Variants in HOATZ observed in about 807,000 individuals in gnomAD.
HOATZ encodes HOATZ cilia and flagella associated protein.
HOATZ carries 26 observed loss-of-function variants against 24.9 expected under a neutral mutation model. The observed-to-expected ratio is 1.04, with a 90% CI of 0.76 to 1.45. The LOEUF is 1.45. HOATZ is among the 40% of genes most tolerant of loss of function. The pLI is 0.00. For missense variants in HOATZ, 226 were observed against 201.5 expected, an observed-to-expected ratio of 1.12 and a Z score of -0.74; for synonymous variants, 83 against 76.6, an observed-to-expected ratio of 1.08 and a Z score of -0.43.
chr11:111,520,849 G>A (rs1359973640), intron 3 of HOATZ, among the ~76,000 whole-genome samples: 6 of 152,046 alleles, frequency 3.9e-5, no homozygotes, highest in Admixed American at 2.0e-4. Context: ...GAGAGAGATC[G>A]CATTCACATA....
chr11:111,515,699 C>A (rs537895044), intron 2 of HOATZ, 147 bp downstream of exon 2: 2 of 692,828 alleles, frequency 2.9e-6, no homozygotes, highest in African/African-American at 1.8e-5. Context: ...CCCTGTTTAT[C>A]CAGAGGACAA....
At chr11:111,519,025 T>C (rs1867238799) in intron 3 of HOATZ, 1 of 456,110 alleles carries the variant, frequency 2.2e-6, no homozygotes, top group South Asian at 1.6e-5. Flanking sequence ...GGCACCATAG[T>C]GTAGTAGATT....
At chr11:111,528,986 G>A (rs188951097) in intron 3 of HOATZ, among the ~76,000 whole-genome samples, 66 of 152,284 alleles carry the variant, frequency 4.3e-4, no homozygotes, top group Middle Eastern at 3.4e-3. Context: ...TCATTTTTAC[G>A]TGGTTTAGTT....
intron 3 of HOATZ, among the ~76,000 whole-genome samples, 192 bp downstream of exon 3, chr11:111,516,302 A>G (rs1000570043): frequency 2.0e-5 from 3 of 152,196 alleles, no homozygotes; most frequent in Non-Finnish European, 4.4e-5. Flanking sequence ...CAATCTCAGC[A>G]AAAGTCCAAG....
At chr11:111,528,011 TC>T (rs1867357358) in intron 3 of HOATZ, among the ~76,000 whole-genome samples, 1 of 152,166 alleles carries the variant, frequency 6.6e-6, no homozygotes, top group Admixed American at 6.5e-5. Flanking sequence ...TAACTCTCAA[TC>T]ACTGGGATAG....
At chr11:111,519,462 T>C (rs1053966804) in intron 3 of HOATZ, among the ~76,000 whole-genome samples, 1 of 152,210 alleles carries the variant, frequency 6.6e-6, no homozygotes, top group African/African-American at 2.4e-5. Flanking sequence ...AAATCTAATC[T>C]GTTAGCACAT....
intron 3 of HOATZ, among the ~76,000 whole-genome samples, chr11:111,520,042 C>T (rs958815554): frequency 1.3e-5 from 2 of 152,132 alleles, no homozygotes; most frequent in Non-Finnish European, 2.9e-5. Context: ...TGATGGATAT[C>T]CATGGCAGGA....
At chr11:111,520,418 CA>C (rs1867256331) in intron 3 of HOATZ, among the ~76,000 whole-genome samples, 1 of 152,106 alleles carries the variant, frequency 6.6e-6, no homozygotes, top group Non-Finnish European at 1.5e-5. Context: ...AAGGTTTTTA[CA>C]GGGAAAATAT....
At chr11:111,529,829 GT>G (rs1242492657) in intron 3 of HOATZ, among the ~76,000 whole-genome samples, 1 of 152,128 alleles carries the variant, frequency 6.6e-6, no homozygotes, top group Non-Finnish European at 1.5e-5. Flanking sequence ...TGAAAAGAAA[GT>G]TGATAACACA....
Position 111,514,896 on chromosome 11 carries a change from A to G in HOATZ, c.112A>G (p.Lys38Glu). ...GSSEQDANLA[K>E]QFWISASMYP... ...CTCGGAACAAGATGCCAACTTGGCTAAGCAGTTCTGGATCTCGGCGTCGAT... is the reference window on the plus strand; with the variant it reads ...CTCGGAACAAGATGCCAACTTGGCTGAGCAGTTCTGGATCTCGGCGTCGAT... Residue 38 changes from lysine (K) to glutamate (E), a missense_variant, in exon 1 of 6, where the codon AAG becomes GAG. Lys to Glu is a moderately conservative substitution (Grantham distance 56). Transcript: ENST00000375618. 1 of 1,614,104 alleles carries G rather than the reference A, an allele frequency of 6.2e-7. No individual in the cohort carries two copies. Among genetic ancestry groups the G allele is most frequent in the Non-Finnish European group, 8.5e-7 (1 of 1,179,998 alleles).
chr11:111,521,550 T>C (rs1161209783), intron 3 of HOATZ, among the ~76,000 whole-genome samples: 1 of 152,122 alleles, frequency 6.6e-6, no homozygotes, highest in Non-Finnish European at 1.5e-5. Context: ...CACCCTAATA[T>C]GATATTTATG....
chr11:111,529,150 T>C (rs1294134134), intron 3 of HOATZ, among the ~76,000 whole-genome samples: 1 of 152,018 alleles, frequency 6.6e-6, no homozygotes, highest in Non-Finnish European at 1.5e-5. Context: ...CCCCTCTTCC[T>C]TTTTTTTCCA....
intron 3 of HOATZ, among the ~76,000 whole-genome samples, 172 bp from the exon 4 acceptor site, chr11:111,533,574 T>C (rs567007282): frequency 1.3e-5 from 2 of 152,282 alleles, no homozygotes; most frequent in Admixed American, 6.5e-5. Flanking sequence ...AAAGCAGCAT[T>C]ATCTTGAATA....
At chr11:111,521,304 T>G (rs539076463) in intron 3 of HOATZ, among the ~76,000 whole-genome samples, 2 of 152,204 alleles carry the variant, frequency 1.3e-5, no homozygotes, top group South Asian at 4.1e-4. Flanking sequence ...GTGGAAAACT[T>G]TTTAACATTA....
At chr11:111,522,399 G>C (rs1444308499) in intron 3 of HOATZ, among the ~76,000 whole-genome samples, 1 of 152,210 alleles carries the variant, frequency 6.6e-6, no homozygotes, top group African/African-American at 2.4e-5. Context: ...GAATGATTCT[G>C]TGGATCAGGT....
intron 3 of HOATZ, among the ~76,000 whole-genome samples, chr11:111,527,617 T>C (rs2135779820): frequency 6.6e-6 from 1 of 152,322 alleles, no homozygotes; most frequent in South Asian, 2.1e-4. Flanking sequence ...AGCCTGTCTT[T>C]TAAAGTGCAT....
chr11:111,537,013 T>C lies in HOATZ; in HGVS notation c.*186T>C. On this transcript the variant is annotated 3_prime_UTR_variant, in exon 6 of 6. Transcript: ENST00000375618. Reference sequence around the variant, plus strand: ...TTGTGTTAAAATAAAGAAATAAAGGTTAAATATGCAGGCTTCTATGAATTC... The same window carrying C: ...TTGTGTTAAAATAAAGAAATAAAGGCTAAATATGCAGGCTTCTATGAATTC... The C allele has an allele frequency of 1.8e-6, 1 of 556,126 alleles. No individual in the cohort carries two copies. The highest frequency in any genetic ancestry group is 2.3e-5 in the South Asian group (1 of 42,824). 34.4% of individuals were successfully genotyped at this position (556,126 alleles called of 1,614,324 possible).
chr11:111,521,521 G>A (rs1301503400), intron 3 of HOATZ, among the ~76,000 whole-genome samples: 1 of 152,188 alleles, frequency 6.6e-6, no homozygotes, highest in Non-Finnish European at 1.5e-5. Context: ...GTGTTACCTG[G>A]CTTTTAATTT....
chr11:111,528,159 C>A (rs370032324), intron 3 of HOATZ, among the ~76,000 whole-genome samples: 19 of 147,374 alleles, frequency 1.3e-4, no homozygotes, highest in South Asian at 4.3e-4. Flanking sequence ...TCATCTCTAC[C>A]AAAAAAAAAA....
Sources: gnomAD v4.1 joint callset for allele counts (sites outside exome capture counted in the v4.1 genomes callset) on GRCh38, gnomAD v4.1.1 for gene constraint, MANE v1.5 for transcripts, NCBI Gene and HGNC (gene_info 2026-07-23, HGNC 2026-07-21) for gene names.